RTN4: variants seen among roughly 807,000 people sequenced by gnomAD.
RTN4 encodes reticulon-4.
In RTN4, 32 loss-of-function variants were observed where a neutral mutation model predicts 90.4. That is an observed-to-expected ratio of 0.35 (90% confidence interval 0.27 to 0.48). The LOEUF is 0.48. RTN4 is among the 20% of genes least tolerant of loss of function. The probability of loss-of-function intolerance (pLI) is 0.99; values close to 1 mark genes in which losing one functional copy is unlikely to be tolerated. For missense variants in RTN4, 1,706 were observed against 1,430.2 expected (o/e 1.19, Z -3.11); for synonymous variants, 629 against 552.5 (o/e 1.14, Z -1.94).
At chr2:55,114,634 G>A (rs1328530965), upstream of RTN4, among the ~76,000 whole-genome samples, 3 of 152,192 alleles carry the variant, frequency 2.0e-5, no homozygotes, top group East Asian at 5.8e-4. Flanking sequence ...AGGAGGTGGA[G>A]GTTGCAGTGA....
At chr2:55,059,239 C>T (rs1668245921) in intron 2 of RTN4, among the ~76,000 whole-genome samples, 1 of 151,422 alleles carries the variant, frequency 6.6e-6, no homozygotes. Context: ...TTTGTTGGGA[C>T]TTTTTACTTT....
intron 4 of RTN4, among the ~76,000 whole-genome samples, chr2:54,984,919 G>A (rs566371521): frequency 5.3e-5 from 8 of 152,236 alleles, no homozygotes; most frequent in East Asian, 3.9e-4. Flanking sequence ...TAGCCTGGGC[G>A]ACACAGTGAG....
chr2:55,015,347 A>T (rs145401777), intron 3 of RTN4, among the ~76,000 whole-genome samples: 3 of 152,298 alleles, frequency 2.0e-5, no homozygotes, highest in Non-Finnish European at 4.4e-5. Flanking sequence ...ATCAATTTTA[A>T]ATAGATCAGA....
the RTN4 span, among the ~76,000 whole-genome samples, chr2:55,127,289 G>T: frequency 2.6e-5 from 4 of 152,212 alleles, no homozygotes; most frequent in African/African-American, 4.8e-5. Flanking sequence ...AAAAGACTCA[G>T]GCTGACAAGA....
At chr2:55,033,980 T>C (rs1318810842) in intron 1 of RTN4, among the ~76,000 whole-genome samples, 1 of 152,198 alleles carries the variant, frequency 6.6e-6, no homozygotes, top group Non-Finnish European at 1.5e-5. Flanking sequence ...ATTCCTTCTA[T>C]CCAACTGTAT....
At chr2:55,108,308 AT>A (rs1667979407) in intron 1 of RTN4, among the ~76,000 whole-genome samples, 1 of 152,138 alleles carries the variant, frequency 6.6e-6, no homozygotes, top group Admixed American at 6.5e-5. Flanking sequence ...GTGATTAAGC[AT>A]TTTTTTAAAA....
the RTN4 span, among the ~76,000 whole-genome samples, chr2:55,135,299 C>T: frequency 5.3e-4 from 81 of 151,584 alleles, no homozygotes; most frequent in Middle Eastern, 0.014. Context: ...CCTCCGCCTC[C>T]CAGGCTCAAG....
intron 1 of RTN4, among the ~76,000 whole-genome samples, chr2:55,090,249 T>C (rs1308520275): frequency 6.6e-6 from 1 of 152,180 alleles, no homozygotes; most frequent in Non-Finnish European, 1.5e-5. Context: ...TATCCCCAAA[T>C]GTCCCCTAGG....
At chr2:55,076,137 A>T (rs1668594753) in intron 2 of RTN4, among the ~76,000 whole-genome samples, 1 of 152,230 alleles carries the variant, frequency 6.6e-6, no homozygotes, top group Non-Finnish European at 1.5e-5. Flanking sequence ...CAGCAGAGTA[A>T]ACAGACAACC....
At chr2:55,132,110 G>C in the RTN4 span, among the ~76,000 whole-genome samples, 1 of 152,176 alleles carries the variant, frequency 6.6e-6, no homozygotes, top group Non-Finnish European at 1.5e-5. Context: ...AGAAGCTGGA[G>C]GAAATCGGTG....
chr2:55,117,383 T>C (rs934319419), upstream of RTN4, among the ~76,000 whole-genome samples: 1 of 152,100 alleles, frequency 6.6e-6, no homozygotes, highest in Non-Finnish European at 1.5e-5. Context: ...CTCCTAACCA[T>C]CACCTCAAGC....
At position 55,026,253 on chromosome 2, in the gene RTN4, T is replaced by C. The variant is rs995486989; in HGVS notation, c.1846A>G (p.Met616Val). The C allele has an allele frequency of 1.9e-6, 3 of 1,613,902 alleles. No individual in the cohort carries two copies. The highest frequency in any genetic ancestry group is 2.5e-6 in the Non-Finnish European group (3 of 1,179,886). Reference sequence around the variant, plus strand: ...ACTGCAGAATTCAATGGTGCTTCCATAACAATGTCAGGCAAAACTGGTGAA... The same window carrying C: ...ACTGCAGAATTCAATGGTGCTTCCACAACAATGTCAGGCAAAACTGGTGAA... ...TPSPVLPDIV[M>V]EAPLNSAVPS... is the part of the protein sequence containing the mutation. Residue 616 changes from methionine to valine, a missense_variant, in exon 3 of 9, where the codon ATG becomes GTG. Physicochemically the swap from Met to Val is conservative, Grantham distance 21. Coordinates refer to ENST00000337526, the MANE Select transcript of RTN4 (RefSeq NM_020532.5).
At chr2:55,038,095 T>C (rs1264434191) in intron 1 of RTN4, among the ~76,000 whole-genome samples, 2 of 151,916 alleles carry the variant, frequency 1.3e-5, no homozygotes, top group South Asian at 2.1e-4. Flanking sequence ...AAGAAACAAA[T>C]AAATCTGGAT....
intron 1 of RTN4, among the ~76,000 whole-genome samples, chr2:55,034,561 A>T (rs1682548420): frequency 6.6e-6 from 1 of 152,202 alleles, no homozygotes; most frequent in Non-Finnish European, 1.5e-5. Flanking sequence ...CTTCAGATAA[A>T]AGCTGAAAAC....
At chr2:55,128,399 T>A in the RTN4 span, among the ~76,000 whole-genome samples, 1 of 152,140 alleles carries the variant, frequency 6.6e-6, no homozygotes, top group Non-Finnish European at 1.5e-5. Context: ...TGACCATCCA[T>A]GCAGCCATGG....
intron 3 of RTN4, among the ~76,000 whole-genome samples, chr2:54,992,028 TTTCAATTATTAAAACC>T (rs1679051160): frequency 6.6e-6 from 1 of 152,198 alleles, no homozygotes; most frequent in Non-Finnish European, 1.5e-5. Flanking sequence ...ACATTATCTC[TTTCAATTATTAAAACC>T]TAATGAGCCA....
At chr2:55,048,739 T>C (rs1299100368) in intron 1 of RTN4, among the ~76,000 whole-genome samples, 1 of 152,198 alleles carries the variant, frequency 6.6e-6, no homozygotes, top group Non-Finnish European at 1.5e-5. Flanking sequence ...CTAACCAATA[T>C]ATATGAAAAT....
At chr2:55,004,859 GA>G (rs201504967) in intron 3 of RTN4, among the ~76,000 whole-genome samples, 15 of 151,690 alleles carry the variant, frequency 9.9e-5, no homozygotes, top group Non-Finnish European at 1.5e-4. Context: ...CCTTAGGGGG[GA>G]AAAAAAAGTA....
intron 1 of RTN4, among the ~76,000 whole-genome samples, chr2:55,047,988 A>G (rs1032427867): frequency 1.3e-5 from 2 of 152,164 alleles, no homozygotes; most frequent in Admixed American, 1.3e-4. Flanking sequence ...CGTTGTGCAA[A>G]CCTCACAGTA....
Sources: gnomAD v4.1 joint callset for allele counts (sites outside exome capture counted in the v4.1 genomes callset) on GRCh38, gnomAD v4.1.1 for gene constraint, MANE v1.5 for transcripts, NCBI Gene and HGNC (gene_info 2026-07-23, HGNC 2026-07-21) for gene names.